The following HIVEP3 variants were observed in gnomAD, a reference collection of about 807,000 sequenced individuals.
HIVEP3 encodes HIVEP zinc finger 3, also known as transcription factor HIVEP3.
Under a neutral mutation model 152.8 loss-of-function variants are expected in HIVEP3, and 49 were observed. The ratio of observed to expected loss-of-function variants is 0.32; its 90% CI spans 0.26 to 0.41. The LOEUF is 0.41. Ranked by LOEUF, HIVEP3 falls within the 10% of genes least tolerant of loss-of-function variation. The probability of loss-of-function intolerance (pLI) is 1.00; values close to 1 mark genes in which losing one functional copy is unlikely to be tolerated. For missense variants in HIVEP3, 2,790 were observed against 3,103.3 expected (o/e 0.90, Z 2.40); for synonymous variants, 1,269 against 1,289.0 (o/e 0.98, Z 0.33).
At chr1:41,585,649 T>A (rs2149110810) in intron 3 of HIVEP3, among the ~76,000 whole-genome samples, 1 of 152,300 alleles carries the variant, frequency 6.6e-6, no homozygotes, top group African/African-American at 2.4e-5. Context: ...AGGCCTGGGC[T>A]CTCATCTCTG....
intron 1 of HIVEP3, among the ~76,000 whole-genome samples, chr1:41,965,334 C>T (rs1645191710): frequency 6.6e-6 from 1 of 152,284 alleles, no homozygotes; most frequent in East Asian, 1.9e-4. Context: ...CTCAAAAAGC[C>T]AGAGTGCCTC....
At chr1:41,643,054 C>T (rs13375809) in intron 2 of HIVEP3, among the ~76,000 whole-genome samples, 6,985 of 152,256 alleles carry the variant, frequency 0.046, 560 homozygotes, top group African/African-American at 0.16. Context: ...CCTCTCCACC[C>T]TACCGCCACC....
chr1:41,960,558 G>T (rs116561457), intron 1 of HIVEP3, among the ~76,000 whole-genome samples: 1,645 of 152,230 alleles, frequency 0.011, 31 homozygotes, highest in African/African-American at 0.038. Flanking sequence ...GCTCCTCGAA[G>T]GATTACACTG....
Position 41,628,757 on chromosome 1 carries a change from A to C in HIVEP3, c.-530T>G. ...CAGCCCCCATTTCCTACCTGTGCTGAAGGCACCACTTCCGATGACCAAAAC... is the reference window on the plus strand; with the variant it reads ...CAGCCCCCATTTCCTACCTGTGCTGCAGGCACCACTTCCGATGACCAAAAC... On this transcript the variant is annotated 5_prime_UTR_variant, in exon 3 of 9. Coordinates refer to ENST00000372583, the MANE Select transcript of HIVEP3 (RefSeq NM_024503.5). 7 of 1,232,154 alleles carry C rather than the reference A, an allele frequency of 5.7e-6. No homozygotes were observed. Among genetic ancestry groups the C allele is most frequent in the Non-Finnish European group, 7.1e-6 (7 of 987,990 alleles). 76.3% of individuals were successfully genotyped at this position (1,232,154 alleles called of 1,614,324 possible).
intron 5 of HIVEP3, among the ~76,000 whole-genome samples, chr1:41,565,553 CACAGAG>C (rs763726822): frequency 1.6e-4 from 20 of 123,002 alleles, no homozygotes; most frequent in African/African-American, 3.1e-4. Context: ...CACACACACA[CACAGAG>C]AGAGAGAGAG....
intron 1 of HIVEP3, among the ~76,000 whole-genome samples, chr1:41,999,509 A>AT (rs1249881800): frequency 6.6e-6 from 1 of 152,208 alleles, no homozygotes; most frequent in Non-Finnish European, 1.5e-5. Context: ...AGTCAGTGCC[A>AT]TTAGAATCTC....
In HIVEP3 at chr1:41,582,979, C is replaced by G. The variant is rs760850988; in HGVS notation, c.1819G>C (p.Gly607Arg). The change falls in exon 4 of 9, where the codon GGC becomes CGC. Residue 607 changes from glycine (G) to arginine (R), a missense_variant. Gly to Arg is a moderately radical substitution (Grantham distance 125, BLOSUM62 -2). Transcript: ENST00000372583. This position sits in a 1 kb window ranked among gnomAD's most constrained non-coding sequence, Gnocchi z 4.7. ...GAGGCTGTGTCTTTGCTGCTTGGGCCAGGCTCCTCAGAACTGTATTCCCCT... is the reference window on the plus strand; with the variant it reads ...GAGGCTGTGTCTTTGCTGCTTGGGCGAGGCTCCTCAGAACTGTATTCCCCT... Reference protein sequence around the residue: ...LGGEYSSEEPGPSSKDTASKP... With the variant: ...LGGEYSSEEPRPSSKDTASKP... 21 of 1,613,978 alleles carry G rather than the reference C, an allele frequency of 1.3e-5. No homozygotes were observed. The highest frequency in any genetic ancestry group is 3.3e-4 in the Middle Eastern group (2 of 6,084).
chr1:41,580,075 C>G lies in HIVEP3; in HGVS notation c.4723G>C (p.Glu1575Gln), dbSNP rs145979623. The G allele has an allele frequency of 3.0e-4, 477 of 1,614,112 alleles. No individual in the cohort carries two copies. Among genetic ancestry groups the G allele is most frequent in the Non-Finnish European group, 3.9e-4 (464 of 1,180,062 alleles). ...GACTTGGCTGGTCTGGAGGACGTTT[C>G]TGACAGAGGCAGAGAGCTCGGAGGT... The part of the protein sequence containing the change: ...LAPPSSLPLS[E>Q]TSSRPAKSQE... Residue 1575 changes from glutamate to glutamine, a missense_variant, in exon 4 of 9, where the codon GAA becomes CAA. Glu to Gln is a conservative substitution (Grantham distance 29, BLOSUM62 2). Coordinates refer to ENST00000372583, the MANE Select transcript of HIVEP3 (RefSeq NM_024503.5).
At position 41,524,959 on chromosome 1, in the gene HIVEP3, A is replaced by G. The variant is rs138121628; in HGVS notation, c.5208-49T>C. On this transcript the variant is annotated intron_variant, in intron 5 of 8. Transcript: ENST00000372583. ...AAAGGGAAAAAAAAGGAGAAGAGGC[A>G]GGTTCCCACCTCAGAAGACGCACGC... 58 of 1,555,070 alleles carry G rather than the reference A, an allele frequency of 3.7e-5. 1 individual carries two copies. In the East Asian group the frequency reaches 1.3e-3, roughly 34 times the overall value.
At chr1:41,740,003 A>G (rs1646973737) in intron 1 of HIVEP3, among the ~76,000 whole-genome samples, 1 of 152,226 alleles carries the variant, frequency 6.6e-6, no homozygotes, top group African/African-American at 2.4e-5. Context: ...GAAGTTGTCT[A>G]TCCCCATTTT....
intron 1 of HIVEP3, among the ~76,000 whole-genome samples, chr1:42,030,857 G>A (rs896491726): frequency 8.5e-5 from 13 of 152,174 alleles, no homozygotes; most frequent in African/African-American, 3.1e-4. Flanking sequence ...CAGGGGTTCA[G>A]TATTCTATTT....
In HIVEP3 at chr1:41,513,204, G is replaced by T. The variant is rs1383981325; in HGVS notation, c.6017C>A (p.Ser2006Ter). The change falls in exon 8 of 9, where the codon TCA (serine) becomes TAA (stop). Residue 2006 changes from serine to a stop codon, truncating the protein, a stop_gained. Transcript: ENST00000372583. LOFTEE classifies it high-confidence loss of function. ...RCSPAREPQASAPSPPGLHVD... is the reference protein window; with the variant it reads ...RCSPAREPQA The stretch of plus-strand genomic sequence containing the variant: ...GTGCAGGCCAGGTGGGCTTGGGGCT[G>T]AGGCCTGTGGTTCTCGGGCCGGGGA... 3 of 1,613,682 alleles carry T rather than the reference G, an allele frequency of 1.9e-6. No homozygotes were observed. Among genetic ancestry groups the T allele is most frequent in the Non-Finnish European group, 2.5e-6 (3 of 1,179,948 alleles).
At chr1:41,909,374 T>C (rs1318612585) in intron 1 of HIVEP3, among the ~76,000 whole-genome samples, 1 of 152,052 alleles carries the variant, frequency 6.6e-6, no homozygotes, top group East Asian at 1.9e-4. Context: ...ACTAAAAGAA[T>C]TACTAAGGAA....
intron 1 of HIVEP3, among the ~76,000 whole-genome samples, chr1:41,802,096 A>G (rs1272735143): frequency 6.6e-6 from 1 of 152,250 alleles, no homozygotes; most frequent in Admixed American, 6.5e-5. Context: ...CTGGACTGGT[A>G]TCATGTCCCT....
In HIVEP3 at chr1:41,830,198, G is replaced by A. The variant is rs1267539138; in HGVS notation, c.-801+88215C>T. ...TGTCTAACTATCTCTCTGTCTACTT[G>A]TGTCTCCACAAAGTCCTGCAAGCTC... On this transcript the variant is annotated intron_variant, in intron 1 of 8. Coordinates refer to ENST00000372583, the MANE Select transcript of HIVEP3 (RefSeq NM_024503.5). Among the ~76,000 whole-genome samples, 3 of 152,328 alleles carry A rather than the reference G, an allele frequency of 2.0e-5. No homozygotes were observed. The East Asian group carries it at 5.8e-4, about 29-fold the overall frequency.
chr1:41,587,506 A>G lies in HIVEP3; in HGVS notation c.-521-2188T>C, dbSNP rs973918522. 3.5e-4 allele frequency among the ~76,000 whole-genome samples: 53 copies of G among 152,226 alleles called. 1 individual carries two copies. The highest frequency in any genetic ancestry group is 3.5e-3 in the Admixed American group (53 of 15,290). On this transcript the variant is annotated intron_variant, in intron 3 of 8. Transcript: ENST00000372583. Reference sequence around the variant, plus strand: ...AGGAACAACAGGAATAAACAAAGACAGTCCCAGGCAAACCAGGACAAAATG... The same window carrying G: ...AGGAACAACAGGAATAAACAAAGACGGTCCCAGGCAAACCAGGACAAAATG...
chr1:41,721,553 G>C (rs150944744), intron 1 of HIVEP3, among the ~76,000 whole-genome samples: 47 of 152,252 alleles, frequency 3.1e-4, no homozygotes, highest in African/African-American at 1.1e-3. Flanking sequence ...AAGAGACGTA[G>C]GTAGGTGCAT....
At chr1:41,676,463 T>C (rs1018679565) in intron 2 of HIVEP3, among the ~76,000 whole-genome samples, 4 of 152,180 alleles carry the variant, frequency 2.6e-5, no homozygotes, top group Non-Finnish European at 5.9e-5. Context: ...TCCAGCCCAA[T>C]GTCTCAGAAA....
intron 1 of HIVEP3, among the ~76,000 whole-genome samples, chr1:41,820,511 T>G (rs549711868): frequency 6.6e-6 from 1 of 152,232 alleles, no homozygotes. Context: ...ACTGATTACA[T>G]GGTCACTTTT....
Sources: allele counts gnomAD v4.1 joint callset (sites outside exome capture counted in the v4.1 genomes callset), GRCh38; gene constraint gnomAD v4.1.1; non-coding constraint Gnocchi (gnomAD v3.1); transcripts MANE v1.5; gene names NCBI Gene and HGNC (gene_info 2026-07-23, HGNC 2026-07-21).